Variants in CTXND2 observed in about 807,000 individuals in gnomAD.
CTXND2 encodes the protein cortexin domain containing 2.
chr1:150,901,864 G>A (rs1669042209), intron 1 of CTXND2, among the ~76,000 whole-genome samples: 1 of 144,376 alleles, frequency 6.9e-6, no homozygotes, highest in African/African-American at 2.5e-5. Context: ...CTTGCAGTGA[G>A]CCAAGATTGT....
chr1:150,901,518 CAG>C (rs756753104), intron 1 of CTXND2, among the ~76,000 whole-genome samples: 4 of 152,162 alleles, frequency 2.6e-5, no homozygotes, highest in Non-Finnish European at 5.9e-5. Flanking sequence ...GTAATCAAGA[CAG>C]TATGATATTG....
At chr1:150,900,801 T>G (rs1015881810) in intron 1 of CTXND2, among the ~76,000 whole-genome samples, 1 of 152,010 alleles carries the variant, frequency 6.6e-6, no homozygotes, top group African/African-American at 2.4e-5. Context: ...ACAAAATACA[T>G]GAACAGACCA....
At chr1:150,897,972 T>G (rs1207662758) in intron 1 of CTXND2, among the ~76,000 whole-genome samples, 3 of 152,160 alleles carry the variant, frequency 2.0e-5, no homozygotes, top group Admixed American at 2.0e-4. Context: ...CAATTAACTC[T>G]TTACCAAACA....
chr1:150,905,065 CACACA>C (rs1558001643), intron 1 of CTXND2, among the ~76,000 whole-genome samples: 1,132 of 42,754 alleles, frequency 0.026, 6 homozygotes, highest in Admixed American at 0.039. Flanking sequence ...AAGAAAACCA[CACACA>C]CACACACACA....
At chr1:150,903,327 C>T (rs1017336381) in intron 1 of CTXND2, among the ~76,000 whole-genome samples, 3 of 151,900 alleles carry the variant, frequency 2.0e-5, no homozygotes, top group African/African-American at 7.3e-5. Context: ...TTGTCCCTCC[C>T]GCTTCCCACC....
intron 1 of CTXND2, among the ~76,000 whole-genome samples, chr1:150,894,080 A>G (rs967484066): frequency 6.6e-6 from 1 of 151,874 alleles, no homozygotes; most frequent in Admixed American, 6.6e-5. Flanking sequence ...GGCTAGTATT[A>G]AGTTTTATCA....
At chr1:150,907,106 G>C (rs587662617) in intron 1 of CTXND2, among the ~76,000 whole-genome samples, 1 of 152,158 alleles carries the variant, frequency 6.6e-6, no homozygotes, top group Non-Finnish European at 1.5e-5. Flanking sequence ...AAAGGGAGAA[G>C]AGCTAATAGA....
At chr1:150,895,910 A>G (rs1668909659) in intron 1 of CTXND2, among the ~76,000 whole-genome samples, 1 of 152,146 alleles carries the variant, frequency 6.6e-6, no homozygotes, top group South Asian at 2.1e-4. Flanking sequence ...GGTGGTGGCA[A>G]TGTCTAATGC....
At chr1:150,900,752 C>G (rs766909780) in intron 1 of CTXND2, among the ~76,000 whole-genome samples, 1 of 151,832 alleles carries the variant, frequency 6.6e-6, no homozygotes, top group African/African-American at 2.4e-5. Context: ...ATTTAAAAAT[C>G]GAGGGGAGAA....
At chr1:150,904,490 A>G (rs1425953022) in intron 1 of CTXND2, among the ~76,000 whole-genome samples, 2 of 152,220 alleles carry the variant, frequency 1.3e-5, no homozygotes, top group Non-Finnish European at 2.9e-5. Context: ...AACTTTTCAC[A>G]AAGATGGTGA....
At chr1:150,891,946 T>A (rs1027904720) in intron 1 of CTXND2, among the ~76,000 whole-genome samples, 3 of 152,216 alleles carry the variant, frequency 2.0e-5, no homozygotes, top group African/African-American at 7.2e-5. Flanking sequence ...CAGATTTTTT[T>A]ATTTTTCTCT....
At chr1:150,907,156 C>G (rs1669162612) in intron 1 of CTXND2, among the ~76,000 whole-genome samples, 1 of 152,168 alleles carries the variant, frequency 6.6e-6, no homozygotes, top group Non-Finnish European at 1.5e-5. Context: ...TAAAACTGAA[C>G]TAAGGTTTTA....
intron 1 of CTXND2, among the ~76,000 whole-genome samples, chr1:150,901,628 A>G (rs1335025468): frequency 1.3e-5 from 2 of 152,184 alleles, no homozygotes; most frequent in East Asian, 1.9e-4. Flanking sequence ...AGAACATTCA[A>G]TGGGGCTGGG....
chr1:150,891,306 TG>T (rs1359254212), intron 1 of CTXND2, among the ~76,000 whole-genome samples: 1 of 152,026 alleles, frequency 6.6e-6, no homozygotes, highest in East Asian at 1.9e-4. Context: ...CTCCGCCTCT[TG>T]GGTTCACACC....
At chr1:150,905,062 C>CCACACACACACACA (rs58415621) in intron 1 of CTXND2, among the ~76,000 whole-genome samples, 10 of 130,762 alleles carry the variant, frequency 7.6e-5, no homozygotes, top group African/African-American at 1.2e-4. Flanking sequence ...AAAAAGAAAA[C>CCACACACACACACA]CACACACACA....
chr1:150,890,944 A>G (rs1668842559), intron 1 of CTXND2, among the ~76,000 whole-genome samples: 1 of 152,196 alleles, frequency 6.6e-6, no homozygotes, highest in Non-Finnish European at 1.5e-5. Flanking sequence ...TGTTCCAAAT[A>G]GAGCTCAGCC....
intron 1 of CTXND2, among the ~76,000 whole-genome samples, chr1:150,900,792 C>G (rs1294642162): frequency 6.6e-6 from 1 of 151,962 alleles, no homozygotes; most frequent in South Asian, 2.1e-4. Flanking sequence ...GAAAAAGAGA[C>G]AAAATACATG....
chr1:150,912,138 T>C (rs587769990), intron 1 of CTXND2, 104 bp from the exon 2 acceptor site: 1 of 393,058 alleles, frequency 2.5e-6, no homozygotes, highest in African/African-American at 2.1e-5. Context: ...TAAATCTTAC[T>C]GATATTTTTT....
chr1:150,911,501 T>A (rs1339431679), intron 1 of CTXND2, among the ~76,000 whole-genome samples: 1 of 151,858 alleles, frequency 6.6e-6, no homozygotes, highest in Admixed American at 6.6e-5. Context: ...AATGACTCGG[T>A]CTCGGCTTAC....
Sources: allele counts gnomAD v4.1 joint callset (sites outside exome capture counted in the v4.1 genomes callset), GRCh38; gene constraint gnomAD v4.1.1; transcripts MANE v1.5; gene names NCBI Gene and HGNC (gene_info 2026-07-23, HGNC 2026-07-21).